Variants in LRP4 observed in about 807,000 individuals in gnomAD.
LRP4 encodes the protein low-density lipoprotein receptor-related protein 4.
LRP4 carries 95 observed loss-of-function variants against 220.3 expected under a neutral mutation model. The observed-to-expected ratio is 0.43, with a 90% CI of 0.37 to 0.51. LRP4 has a LOEUF of 0.51. Among genes scored for constraint, LRP4 ranks in the 20% least tolerant of loss-of-function variants. The pLI is 0.00. For missense variants in LRP4, 1,925 were observed against 2,567.0 expected (o/e 0.75, Z 5.40); for synonymous variants, 903 against 954.6 (o/e 0.95, Z 1.00).
chr11:46,894,964 AC>A, intron 11 of LRP4, 145 bp from the exon 12 acceptor site: 1 of 1,030,490 alleles, frequency 9.7e-7, no homozygotes, highest in Non-Finnish European at 1.5e-6. Flanking sequence ...AAGAGTGGCA[AC>A]CTTTAAACTA....
intron 25 of LRP4, 57 bp downstream of exon 25, chr11:46,876,409 A>G: frequency 1.2e-6 from 2 of 1,607,162 alleles, no homozygotes; most frequent in Non-Finnish European, 1.7e-6. Flanking sequence ...TTACCCCGTC[A>G]TAACCCCAGC....
rs750358826 is a variant in LRP4, at chr11:46,858,793, T to C, written c.*190A>G. On this transcript the variant is annotated 3_prime_UTR_variant, in exon 38 of 38. Coordinates refer to ENST00000378623, the MANE Select transcript of LRP4 (RefSeq NM_002334.4). ...AGGTCTAAATTCTCGTGATGTGCCA[T>C]CATTTCTTGTGCACAGGTAGTTATG... 7.7e-6 allele frequency: 5 copies of C among 649,810 alleles called. No individual in the cohort carries two copies. The highest frequency in any genetic ancestry group is 3.6e-5 in the African/African-American group (2 of 55,604). 40.3% of individuals were successfully genotyped at this position (649,810 alleles called of 1,614,324 possible).
chr11:46,900,636 T>C (rs1941647134), intron 2 of LRP4, among the ~76,000 whole-genome samples: 1 of 151,662 alleles, frequency 6.6e-6, no homozygotes, highest in African/African-American at 2.4e-5. Flanking sequence ...CCTGGCTAGG[T>C]TTTTTTGGTT....
Position 46,900,278 on chromosome 11 carries a change from C to A in LRP4, c.300G>T (p.Ser100=), listed in dbSNP as rs61745166. The change falls in exon 3 of 38, where the codon TCG becomes TCT. Residue 100 remains serine (S), a synonymous_variant. Coordinates refer to ENST00000378623, the MANE Select transcript of LRP4 (RefSeq NM_002334.4). ...CDGDNDCEDD[S]DEQDCPPREC... The stretch of plus-strand genomic sequence containing the variant: ...AACACTCACGACAGTCCTGCTCATC[C>A]GAGTCATCCTCACAGTCGTTGTCCC... 6.2e-7 allele frequency: 1 copy of A among 1,613,704 alleles called. No individual in the cohort carries two copies. Among genetic ancestry groups the A allele is most frequent in the East Asian group, 2.2e-5 (1 of 44,880 alleles).
Position 46,859,287 on chromosome 11 carries a change from T to A in LRP4, c.5414A>T (p.Glu1805Val). ...GATTCCCTCTACGATCTTGATCTTC[T>A]CCTTGGTGTAGTTATGGTCAGGCCC... ...EGGPDHNYTK[E>V]KIKIVEGICL... is the part of the protein sequence containing the mutation. The change falls in exon 38 of 38, where the codon GAG becomes GTG. Residue 1805 changes from glutamate to valine, a missense_variant. Transcript: ENST00000378623. 1 of 1,614,116 alleles carries A rather than the reference T, an allele frequency of 6.2e-7. No individual in the cohort carries two copies. The highest frequency in any genetic ancestry group is 8.5e-7 in the Non-Finnish European group (1 of 1,180,012).
intron 1 of LRP4, among the ~76,000 whole-genome samples, chr11:46,907,653 C>G (rs1418223056): frequency 6.6e-6 from 1 of 152,136 alleles, no homozygotes; most frequent in Non-Finnish European, 1.5e-5. Context: ...CTGGACAGCC[C>G]TGATATAAAG....
Position 46,895,167 on chromosome 11 carries a change from C to T in LRP4, c.1308G>A (p.Leu436=), listed in dbSNP as rs750627555. Residue 436 remains leucine, a splice_region_variant and synonymous_variant, in exon 11 of 38, where the codon CTG becomes CTA. Coordinates refer to ENST00000378623, the MANE Select transcript of LRP4 (RefSeq NM_002334.4). ...LRPDRRSCKA[L]GPEPVLLFAN... Reference sequence around the variant, plus strand: ...CAGCCAAGTGCCAACAGCCCTTACCCAGAGCCTTGCAGCTGCGCCGGTCGG... The same window carrying T: ...CAGCCAAGTGCCAACAGCCCTTACCTAGAGCCTTGCAGCTGCGCCGGTCGG... 23 of 1,613,870 alleles carry T rather than the reference C, an allele frequency of 1.4e-5. No homozygotes were observed. The highest frequency in any genetic ancestry group is 1.7e-6 in the Non-Finnish European group (2 of 1,180,052).
Position 46,877,342 on chromosome 11 carries a change from G to GC in LRP4, c.3137-4dup. The GC allele has an allele frequency of 6.2e-7, 1 of 1,614,118 alleles. No homozygotes were observed. Among genetic ancestry groups the GC allele is most frequent in the Non-Finnish European group, 8.5e-7 (1 of 1,180,014 alleles). ...GAAGATGAGGAAACTGTTCATGCCT[G>GC]CCAGGTGGAGAGGAGGGAAGAGGAT... On this transcript the variant is annotated splice_polypyrimidine_tract_variant and splice_region_variant and intron_variant, in intron 22 of 37. Coordinates refer to ENST00000378623, the MANE Select transcript of LRP4 (RefSeq NM_002334.4).
At chr11:46,905,572 T>C (rs1174951302) in intron 1 of LRP4, among the ~76,000 whole-genome samples, 1 of 152,084 alleles carries the variant, frequency 6.6e-6, no homozygotes, top group Non-Finnish European at 1.5e-5. Flanking sequence ...CGTGTATAAT[T>C]CTATACAGGA....
chr11:46,884,956 C>T (rs1486181884), intron 18 of LRP4, among the ~76,000 whole-genome samples: 1 of 152,022 alleles, frequency 6.6e-6, no homozygotes, highest in African/African-American at 2.4e-5. Flanking sequence ...TTCATGCTCA[C>T]TAACCCCCAA....
Position 46,899,904 on chromosome 11 carries a change from T to C in LRP4, c.389A>G (p.Asp130Gly). 6.2e-7 allele frequency: 1 copy of C among 1,613,984 alleles called. No individual in the cohort carries two copies. Among genetic ancestry groups the C allele is most frequent in the Non-Finnish European group, 8.5e-7 (1 of 1,180,028 alleles). ...GYCIRSLWHC[D>G]GDNDCGDNSD... is the part of the protein sequence containing the mutation. ...GTTGTCGCCACAGTCATTGTCACCA[T>C]CGCAGTGCCACAGACTCCGGATGCA... The change falls in exon 4 of 38, where the codon GAT (aspartate) becomes GGT (glycine). Residue 130 changes from aspartate to glycine, a missense_variant. Physicochemically the swap from Asp to Gly is moderately conservative, Grantham distance 94. Transcript: ENST00000378623. The surrounding 1 kb of genome is among the most constrained non-coding windows in gnomAD (Gnocchi z 5.9).
rs1436949723 is a variant in LRP4, at chr11:46,904,137, C to A, written c.53-1208G>T. Among the ~76,000 whole-genome samples, 2 of 152,216 alleles carry A rather than the reference C, an allele frequency of 1.3e-5. 1 individual carries two copies. Among genetic ancestry groups the A allele is most frequent in the South Asian group, 4.1e-4 (2 of 4,838 alleles). Reference sequence around the variant, plus strand: ...TCGCAGCTGGGGAAGGAGGGGGCCGCAGCGCATGGCTCATCTCTCCCCCTT... The same window carrying A: ...TCGCAGCTGGGGAAGGAGGGGGCCGAAGCGCATGGCTCATCTCTCCCCCTT... On this transcript the variant is annotated intron_variant, in intron 1 of 37. Coordinates refer to ENST00000378623, the MANE Select transcript of LRP4 (RefSeq NM_002334.4).
chr11:46,917,063 A>G (rs1250009678), intron 1 of LRP4, among the ~76,000 whole-genome samples: 1 of 152,252 alleles, frequency 6.6e-6, no homozygotes, highest in Non-Finnish European at 1.5e-5. Context: ...ACCCACAGGT[A>G]GTTTAAATAA....
chr11:46,860,744 GCA>G (rs1003525882), intron 37 of LRP4, among the ~76,000 whole-genome samples: 1 of 152,176 alleles, frequency 6.6e-6, no homozygotes, highest in Non-Finnish European at 1.5e-5. Context: ...GTGGGACATA[GCA>G]CACAAGCAAA....
At chr11:46,862,383 T>C (rs1940581220) in intron 37 of LRP4, among the ~76,000 whole-genome samples, 1 of 152,234 alleles carries the variant, frequency 6.6e-6, no homozygotes, top group Non-Finnish European at 1.5e-5. Flanking sequence ...TTCTGAGATC[T>C]GCCTTCTAAC....
chr11:46,900,450 G>T, intron 2 of LRP4, 72 bp from the exon 3 acceptor site: 1 of 933,842 alleles, frequency 1.1e-6, no homozygotes, highest in Non-Finnish European at 1.8e-6. Context: ...AGGCCAGATA[G>T]CCTTTTGCTC....
intron 22 of LRP4, 30 bp from the exon 23 acceptor site, chr11:46,877,369 A>G: frequency 1.2e-6 from 2 of 1,613,472 alleles, no homozygotes; most frequent in Middle Eastern, 1.7e-4. Context: ...GAAGAGGATC[A>G]CTCGAGCACA....
chr11:46,890,233 G>A lies in LRP4; in HGVS notation c.1915+44C>T. The A allele has an allele frequency of 6.2e-7, 1 of 1,607,714 alleles. No individual in the cohort carries two copies. Among genetic ancestry groups the A allele is most frequent in the Non-Finnish European group, 8.5e-7 (1 of 1,174,354 alleles). On this transcript the variant is annotated intron_variant, in intron 14 of 37. Transcript: ENST00000378623. This position sits in a 1 kb window ranked among gnomAD's most constrained non-coding sequence, Gnocchi z 5.3. ...AAGGCTCCTGGGGGGCAGGGACGGG[G>A]GCAGGAGGACAAGAGATGAAGGAGA...
rs765240067 is a variant in LRP4, at chr11:46,874,885, G to A, written c.4144C>T (p.Pro1382Ser). 41 of 1,614,162 alleles carry A rather than the reference G, an allele frequency of 2.5e-5. No individual in the cohort carries two copies. In the South Asian group the frequency reaches 3.8e-4, roughly 15 times the overall value. The change falls in exon 28 of 38, where the codon CCT becomes TCT. Residue 1382 changes from proline (P) to serine (S), a missense_variant. Pro to Ser is a moderately conservative substitution (Grantham distance 74, BLOSUM62 -1). Around this residue, in one of 3 missense-constraint regions of LRP4, gnomAD observed 1,244 missense variants for 1,624.9 expected, o/e 0.77. Transcript: ENST00000378623. ...SDHTDVHVPV[P>S]ELNNVISLDY... Reference sequence around the variant, plus strand: ...AGGGAGATGACATTGTTGAGCTCAGGAACAGGGACATGCACATCGGTGTGG... The same window carrying A: ...AGGGAGATGACATTGTTGAGCTCAGAAACAGGGACATGCACATCGGTGTGG...
Sources: gnomAD v4.1 joint callset for allele counts (sites outside exome capture counted in the v4.1 genomes callset) on GRCh38, gnomAD v4.1.1 for gene constraint, gnomAD v4.1.1 regional missense constraint, Gnocchi (gnomAD v3.1) non-coding constraint, MANE v1.5 for transcripts, NCBI Gene and HGNC (gene_info 2026-07-23, HGNC 2026-07-21) for gene names.